Variants in BCLAF1 observed in about 807,000 individuals in gnomAD.
BCLAF1 encodes the protein bcl-2-associated transcription factor 1.
Under a neutral mutation model 99.5 loss-of-function variants are expected in BCLAF1, and 10 were observed. That is an observed-to-expected ratio of 0.10 (90% CI 0.06 to 0.17). The LOEUF (loss-of-function observed/expected upper bound fraction) is 0.17. Among genes scored for constraint, BCLAF1 ranks in the 10% least tolerant of loss-of-function variants. The pLI is 1.00. For missense variants in BCLAF1, 636 were observed against 1,105.8 expected (o/e 0.58, Z 6.02); for synonymous variants, 255 against 370.9 (o/e 0.69, Z 3.59).
chr6:136,288,015 G>T (rs1449436790), intron 1 of BCLAF1, among the ~76,000 whole-genome samples: 1 of 152,158 alleles, frequency 6.6e-6, no homozygotes, highest in Non-Finnish European at 1.5e-5. Flanking sequence ...GCGACATTCC[G>T]TCTCAAGAAT....
At chr6:136,271,694 T>A (rs1217797662) in intron 8 of BCLAF1, among the ~76,000 whole-genome samples, 1 of 151,930 alleles carries the variant, frequency 6.6e-6, no homozygotes, top group African/African-American at 2.4e-5. Context: ...AATTCTAATT[T>A]GTATCTTTGA....
In BCLAF1 at chr6:136,258,981, T is replaced by C. The variant is rs917905659; in HGVS notation, c.*2129A>G. ...TCAGTGAGTTATTTCCTAGCACTTG[T>C]AAGCAAATATCCTTACCAAGAGGAA... On this transcript the variant is annotated 3_prime_UTR_variant, in exon 13 of 13. Transcript: ENST00000531224. The C allele has an allele frequency of 6.6e-6, 1 of 152,502 alleles. No homozygotes were observed. Among genetic ancestry groups the C allele is most frequent in the Non-Finnish European group, 1.5e-5 (1 of 67,914 alleles). 9.4% of individuals were successfully genotyped at this position (152,502 alleles called of 1,614,324 possible).
chr6:136,266,944 A>T, intron 11 of BCLAF1, 85 bp downstream of exon 11: 1 of 1,451,170 alleles, frequency 6.9e-7, no homozygotes, highest in Non-Finnish European at 9.5e-7. Flanking sequence ...TTCTTATAGT[A>T]GTGGTTATCT....
chr6:136,272,028 C>T lies in BCLAF1; in HGVS notation c.2010G>A (p.Gly670=). 1 of 1,605,960 alleles carries T rather than the reference C, an allele frequency of 6.2e-7. No individual in the cohort carries two copies. Among genetic ancestry groups the T allele is most frequent in the East Asian group, 2.2e-5 (1 of 44,522 alleles). The change falls in exon 8 of 13, where the codon GGG becomes GGA. Residue 670 remains glycine, a synonymous_variant. Coordinates refer to ENST00000531224, the MANE Select transcript of BCLAF1 (RefSeq NM_014739.3). The part of the protein sequence containing the change: ...STLRKHTRLA[G]EERVFKEENQ... ...TTTCTTCTTTAAAAACTCTCTCTTCCCCTGCTAAACGGGTATGCTTCCTCA... is the reference window on the plus strand; with the variant it reads ...TTTCTTCTTTAAAAACTCTCTCTTCTCCTGCTAAACGGGTATGCTTCCTCA...
intron 10 of BCLAF1, among the ~76,000 whole-genome samples, chr6:136,267,625 A>G (rs774142641): frequency 1.3e-5 from 2 of 151,796 alleles, no homozygotes; most frequent in Non-Finnish European, 2.9e-5. Context: ...GAATCTTGAA[A>G]TTAAACAGGC....
Position 136,276,520 on chromosome 6 carries a change from C to A in BCLAF1, c.1017-12G>T. 1.3e-6 allele frequency: 2 copies of A among 1,579,960 alleles called. No individual in the cohort carries two copies. Among genetic ancestry groups the A allele is most frequent in the Non-Finnish European group, 1.7e-6 (2 of 1,168,216 alleles). On this transcript the variant is annotated splice_polypyrimidine_tract_variant and intron_variant, in intron 4 of 12. Transcript: ENST00000531224. ...CTTCATCTGTGAACCTGCGAATAAGCAAAGAAGAGGATAGTAACTCTGGAT... is the reference window on the plus strand; with the variant it reads ...CTTCATCTGTGAACCTGCGAATAAGAAAAGAAGAGGATAGTAACTCTGGAT...
At chr6:136,263,798 A>G (rs1781351117) in intron 11 of BCLAF1, among the ~76,000 whole-genome samples, 1 of 152,138 alleles carries the variant, frequency 6.6e-6, no homozygotes, top group African/African-American at 2.4e-5. Flanking sequence ...CCAACTCTTC[A>G]CACTCACCCC....
In BCLAF1 at chr6:136,259,017, T is replaced by G. The variant is rs1423695030; in HGVS notation, c.*2093A>C. ...CCTTACCAAGAGGAACCATTCAACT[T>G]TTATAATATCGTAAAGCGTGGAGTT... On this transcript the variant is annotated 3_prime_UTR_variant, in exon 13 of 13. Transcript: ENST00000531224. 1.3e-5 allele frequency: 2 copies of G among 152,462 alleles called. No homozygotes were observed. The highest frequency in any genetic ancestry group is 2.9e-5 in the Non-Finnish European group (2 of 67,906). The allele number at this position is 152,462 out of a possible 1,614,324, so 9.4% of individuals were successfully genotyped here.
At chr6:136,268,369 T>C (rs765053397) in intron 9 of BCLAF1, 30 bp from the exon 10 acceptor site, 9 of 1,558,892 alleles carry the variant, frequency 5.8e-6, no homozygotes, top group African/African-American at 1.4e-5. Flanking sequence ...AAAAATGTGA[T>C]ACTTTTAAAA....
chr6:136,273,005 T>C (rs1472087425), intron 7 of BCLAF1, 77 bp downstream of exon 7: 6 of 1,045,910 alleles, frequency 5.7e-6, no homozygotes, highest in African/African-American at 1.6e-5. Context: ...AAAAACAAAC[T>C]TCCAATACAA....
intron 2 of BCLAF1, among the ~76,000 whole-genome samples, chr6:136,280,580 T>G (rs992853494): frequency 1.3e-5 from 2 of 152,072 alleles, no homozygotes; most frequent in African/African-American, 4.8e-5. Context: ...AGGGATTACT[T>G]CAAGAAAGAT....
At chr6:136,270,272 T>C (rs1312929464) in intron 8 of BCLAF1, 1 of 151,948 alleles carries the variant, frequency 6.6e-6, no homozygotes, top group Non-Finnish European at 1.5e-5. Flanking sequence ...TACTGCCCTT[T>C]CTCAATTCAG....
At chr6:136,279,913 CAATAT>C (rs1784142853) in intron 2 of BCLAF1, 37 bp from the exon 3 acceptor site, 1 of 1,396,228 alleles carries the variant, frequency 7.2e-7, no homozygotes, top group African/African-American at 1.5e-5. Flanking sequence ...GTTAAAATTA[CAATAT>C]GATATTTAAA....
At chr6:136,273,362 G>A in intron 6 of BCLAF1, 175 bp from the exon 7 acceptor site, 3 of 560,120 alleles carry the variant, frequency 5.4e-6, no homozygotes, top group Non-Finnish European at 9.4e-6. Flanking sequence ...CTCAACAGGA[G>A]AGTGTTTCGA....
chr6:136,278,778 T>TA lies in BCLAF1; in HGVS notation c.105-3dup. 1 of 1,504,886 alleles carries TA rather than the reference T, an allele frequency of 6.6e-7. No homozygotes were observed. The highest frequency in any genetic ancestry group is 8.9e-7 in the Non-Finnish European group (1 of 1,129,616). 93.2% of individuals were successfully genotyped at this position (1,504,886 alleles called of 1,614,324 possible). ...TATGTTCTGGAACGAGACCTAGAAC[T>TA]AAAAATGAAATAAATATCAATGCAA... On this transcript the variant is annotated splice_region_variant and splice_polypyrimidine_tract_variant and intron_variant, in intron 3 of 12. Coordinates refer to ENST00000531224, the MANE Select transcript of BCLAF1 (RefSeq NM_014739.3).
intron 11 of BCLAF1, among the ~76,000 whole-genome samples, chr6:136,265,345 A>T (rs1479777663): frequency 6.6e-6 from 1 of 152,190 alleles, no homozygotes; most frequent in Non-Finnish European, 1.5e-5. Context: ...ACCTGTTCAG[A>T]ACAGAACTTA....
chr6:136,270,896 T>C (rs1782421065), intron 8 of BCLAF1, among the ~76,000 whole-genome samples: 1 of 151,768 alleles, frequency 6.6e-6, no homozygotes, highest in Admixed American at 6.6e-5. Context: ...CAAGATATTA[T>C]TTAAGTTAAA....
intron 9 of BCLAF1, 196 bp from the exon 10 acceptor site, chr6:136,268,535 A>T (rs1782063946): frequency 3.6e-6 from 2 of 556,266 alleles, no homozygotes; most frequent in Middle Eastern, 3.1e-4. Context: ...ATCAATAATG[A>T]AAAACATGCT....
chr6:136,277,834 T>A (rs757441038), intron 4 of BCLAF1, 31 bp downstream of exon 4: 5 of 1,581,376 alleles, frequency 3.2e-6, no homozygotes, highest in Non-Finnish European at 4.3e-6. Flanking sequence ...AAAACAATAT[T>A]ATAATCTAGA....
Sources: allele counts gnomAD v4.1 joint callset (sites outside exome capture counted in the v4.1 genomes callset), GRCh38; gene constraint gnomAD v4.1.1; transcripts MANE v1.5; gene names NCBI Gene and HGNC (gene_info 2026-07-23, HGNC 2026-07-21).